Variants in BMAL2 observed in about 807,000 individuals in gnomAD.
BMAL2 encodes the protein basic helix-loop-helix ARNT-like protein 2.
chr12:27,388,087 GCACACACACATGCACGCACACACA>G, the BMAL2 span, among the ~76,000 whole-genome samples: 1 of 150,172 alleles, frequency 6.7e-6, no homozygotes, highest in East Asian at 1.9e-4. Flanking sequence ...ACCCACACAT[GCACACACACATGCACGCACACACA>G]CACACACACA....
chr12:27,411,154 G>T, the BMAL2 span, among the ~76,000 whole-genome samples: 19 of 151,994 alleles, frequency 1.3e-4, no homozygotes, highest in African/African-American at 4.3e-4. Flanking sequence ...TTGAGGCAGG[G>T]TCTTGCTCTA....
At chr12:27,375,524 C>T in the BMAL2 span, among the ~76,000 whole-genome samples, 2 of 152,062 alleles carry the variant, frequency 1.3e-5, no homozygotes, top group East Asian at 3.9e-4. Flanking sequence ...TACATGGTAC[C>T]CATGCACCAT....
chr12:27,335,902 A>G, the BMAL2 span, among the ~76,000 whole-genome samples: 3 of 152,176 alleles, frequency 2.0e-5, no homozygotes, highest in East Asian at 3.8e-4. Context: ...GGGAAAGCCA[A>G]AATATCAGTA....
the BMAL2 span, chr12:27,394,416 A>G: frequency 6.6e-6 from 1 of 152,094 alleles, no homozygotes; most frequent in Non-Finnish European, 1.5e-5. Flanking sequence ...TAACTTTTTA[A>G]TACTTGCCTC....
At chr12:27,351,089 A>G in the BMAL2 span, among the ~76,000 whole-genome samples, 1 of 149,132 alleles carries the variant, frequency 6.7e-6, no homozygotes, top group South Asian at 2.1e-4. Flanking sequence ...CCTATGCTCA[A>G]GGGATCCTCC....
chr12:27,376,355 TGGTG>T, the BMAL2 span: 1 of 1,613,858 alleles, frequency 6.2e-7, no homozygotes, highest in Non-Finnish European at 8.5e-7. Context: ...GAGTGGAAGA[TGGTG>T]AACACCAAGT....
At chr12:27,403,519 A>C in the BMAL2 span, 1 of 1,601,830 alleles carries the variant, frequency 6.2e-7, no homozygotes, top group Non-Finnish European at 8.5e-7. Flanking sequence ...AGATATTGCA[A>C]ATGAAATTCT....
the BMAL2 span, among the ~76,000 whole-genome samples, chr12:27,380,641 G>T: frequency 6.6e-6 from 1 of 152,126 alleles, no homozygotes; most frequent in African/African-American, 2.4e-5. Flanking sequence ...AACCTTGAAA[G>T]GTATTTACAT....
the BMAL2 span, among the ~76,000 whole-genome samples, chr12:27,342,169 C>G: frequency 1.3e-5 from 2 of 152,178 alleles, no homozygotes; most frequent in African/African-American, 2.4e-5. Context: ...AACTCCAAGC[C>G]TCAAGTGATC....
chr12:27,389,560 A>G, the BMAL2 span, among the ~76,000 whole-genome samples: 3,370 of 152,296 alleles, frequency 0.022, 126 homozygotes, highest in African/African-American at 0.077. Flanking sequence ...TTTCATATGC[A>G]AATAAAATCT....
the BMAL2 span, chr12:27,424,506 A>G: frequency 0.17 from 25,343 of 152,248 alleles, 2,512 homozygotes; most frequent in African/African-American, 0.28. Context: ...GGAATTTAAA[A>G]GAAAGTGTTT....
the BMAL2 span, chr12:27,376,278 A>T: frequency 7.3e-7 from 1 of 1,378,598 alleles, no homozygotes; most frequent in Middle Eastern, 1.8e-4. Flanking sequence ...TCTCACATCT[A>T]TTTCTCTATC....
At chr12:27,390,851 T>C in the BMAL2 span, among the ~76,000 whole-genome samples, 13 of 152,200 alleles carry the variant, frequency 8.5e-5, no homozygotes, top group African/African-American at 2.7e-4. Flanking sequence ...AGCTATGAGA[T>C]ATAGGATTCC....
chr12:27,383,392 C>CA, the BMAL2 span, among the ~76,000 whole-genome samples: 9 of 151,958 alleles, frequency 5.9e-5, no homozygotes, highest in Admixed American at 5.2e-4. Context: ...AGTAAGTGAT[C>CA]ATGTTGCCTC....
the BMAL2 span, among the ~76,000 whole-genome samples, chr12:27,414,714 A>G: frequency 1.3e-5 from 2 of 152,220 alleles, no homozygotes; most frequent in Non-Finnish European, 2.9e-5. Context: ...CCCTAGCTTT[A>G]CACCTCCAGA....
chr12:27,370,948 G>A, the BMAL2 span, among the ~76,000 whole-genome samples: 1 of 152,186 alleles, frequency 6.6e-6, no homozygotes, highest in Admixed American at 6.5e-5. Flanking sequence ...TCTGTGGAAT[G>A]TAGTCATTAA....
chr12:27,360,448 A>G, the BMAL2 span, among the ~76,000 whole-genome samples: 1 of 152,176 alleles, frequency 6.6e-6, no homozygotes, highest in Non-Finnish European at 1.5e-5. Context: ...TGCTGGGGTT[A>G]AGAATGACAT....
the BMAL2 span, among the ~76,000 whole-genome samples, chr12:27,364,598 A>G: frequency 1.3e-5 from 2 of 152,126 alleles, no homozygotes; most frequent in African/African-American, 4.8e-5. Flanking sequence ...TGATAGGACC[A>G]GTCTTCCCAC....
At chr12:27,396,119 A>G in the BMAL2 span, among the ~76,000 whole-genome samples, 1 of 152,252 alleles carries the variant, frequency 6.6e-6, no homozygotes, top group Non-Finnish European at 1.5e-5. Flanking sequence ...CCCCTATACA[A>G]CATTTCTGTT....
Sources: gnomAD v4.1 joint callset for allele counts (sites outside exome capture counted in the v4.1 genomes callset) on GRCh38, gnomAD v4.1.1 for gene constraint, MANE v1.5 for transcripts, NCBI Gene and HGNC (gene_info 2026-07-23, HGNC 2026-07-21) for gene names.